The following C18orf54 variants were observed in gnomAD, a reference collection of about 807,000 sequenced individuals.
The protein encoded by C18orf54 is lung adenoma susceptibility protein 2.
Under a neutral mutation model 49.3 loss-of-function variants are expected in C18orf54, and 49 were observed. The observed-to-expected ratio is 0.99, with a 90% CI of 0.79 to 1.26. C18orf54 has a LOEUF of 1.26. Among genes scored for constraint, C18orf54 ranks in the 50% most tolerant of loss-of-function variants. The pLI is 0.00. For synonymous variants in C18orf54, 211 were observed against 216.6 expected (o/e 0.97, Z 0.23); for missense variants, 687 against 620.6 (o/e 1.11, Z -1.14).
chr18:54,373,927 ACAT>A (rs1370734348), intron 7 of C18orf54, among the ~76,000 whole-genome samples: 1 of 151,858 alleles, frequency 6.6e-6, no homozygotes, highest in Non-Finnish European at 1.5e-5. Flanking sequence ...CTCATTCTAA[ACAT>A]CATTGAGATA....
At position 54,365,864 on chromosome 18, in the gene C18orf54, GAAT is replaced by G. The variant is rs773878976; in HGVS notation, c.1326+48_1326+50del. 4.9e-6 allele frequency: 6 copies of G among 1,221,484 alleles called. No individual in the cohort carries two copies. The African/African-American group carries it at 9.2e-5, about 19-fold the overall frequency. The allele number at this position is 1,221,484 out of a possible 1,614,324, so 75.7% of individuals were successfully genotyped here. A position where few individuals can be genotyped will look rare whatever the true frequency, so the allele number is the denominator to read the frequency against. Reference sequence around the variant, plus strand: ...TTTTAAAACTTATTTAAAGATATATGAATAATATGTAGATACTAATTTTTAAGT... The same window carrying G: ...TTTTAAAACTTATTTAAAGATATATGAATATGTAGATACTAATTTTTAAGT... On this transcript the variant is annotated intron_variant, in intron 6 of 8. Transcript: ENST00000620105.
rs2089618054 is a variant in C18orf54 at position 54,378,777 on chromosome 18, A to G, written c.*531A>G. 1 of 152,212 alleles carries G rather than the reference A, an allele frequency of 6.6e-6. No individual in the cohort carries two copies. Among genetic ancestry groups the G allele is most frequent in the Non-Finnish European group, 1.5e-5 (1 of 68,038 alleles). 9.4% of individuals were successfully genotyped at this position (152,212 alleles called of 1,614,324 possible). A position where few individuals can be genotyped will look rare whatever the true frequency, so the allele number is the denominator to read the frequency against. On this transcript the variant is annotated 3_prime_UTR_variant, in exon 9 of 9. Coordinates refer to ENST00000620105, the MANE Select transcript of C18orf54 (RefSeq NM_001288980.2). ...AATTTTCATAAATTTAATATTTAAG[A>G]TACATTGTATTTGAAAATTGCATTA...
At chr18:54,377,833 C>T (rs2089601647) in intron 8 of C18orf54, among the ~76,000 whole-genome samples, 1 of 152,044 alleles carries the variant, frequency 6.6e-6, no homozygotes, top group Non-Finnish European at 1.5e-5. Flanking sequence ...TTTCACAGAG[C>T]TGTAGTGAAA....
intron 2 of C18orf54, 75 bp from the exon 3 acceptor site, chr18:54,360,452 T>TTTAC: frequency 1.1e-6 from 1 of 879,658 alleles, no homozygotes; most frequent in Non-Finnish European, 1.7e-6. Context: ...TTACAAAAGG[T>TTTAC]TTACATATTT....
Position 54,380,700 on chromosome 18 carries a change from T to A in C18orf54, c.*2454T>A, listed in dbSNP as rs2089653645. The stretch of plus-strand genomic sequence containing the variant: ...ATAATTGTAGGTTTTTTGTATTGTT[T>A]TAGTATTTAATGGTGTATAATGTGT... On this transcript the variant is annotated 3_prime_UTR_variant, in exon 9 of 9. Coordinates refer to ENST00000620105, the MANE Select transcript of C18orf54 (RefSeq NM_001288980.2). The A allele has an allele frequency of 1.3e-5, 2 of 152,134 alleles. No homozygotes were observed. The highest frequency in any genetic ancestry group is 4.1e-4 in the South Asian group (2 of 4,836). 9.4% of individuals were successfully genotyped at this position (152,134 alleles called of 1,614,324 possible).
Position 54,378,925 on chromosome 18 carries a change from C to A in C18orf54, c.*679C>A, listed in dbSNP as rs2089620768. Reference sequence around the variant, plus strand: ...TGGTAGTGCTTGACAGTTTCCAAACCTTTTTTTGGAGAGATATTTAAGAAT... The same window carrying A: ...TGGTAGTGCTTGACAGTTTCCAAACATTTTTTTGGAGAGATATTTAAGAAT... On this transcript the variant is annotated 3_prime_UTR_variant, in exon 9 of 9. Transcript: ENST00000620105. 1 of 151,878 alleles carries A rather than the reference C, an allele frequency of 6.6e-6. No homozygotes were observed. Among genetic ancestry groups the A allele is most frequent in the Non-Finnish European group, 1.5e-5 (1 of 67,902 alleles). The allele number at this position is 151,878 out of a possible 1,614,324, so 9.4% of individuals were successfully genotyped here.
In C18orf54 at chr18:54,360,689, C is replaced by G. The variant is rs766385586; in HGVS notation, c.117C>G (p.His39Gln). ...SNSSNSDGSF[H>Q]YKDKLYRSAS... is the part of the protein sequence containing the mutation. ...CCTCTAATTCTGATGGCTCGTTTCA[C>G]TATAAAGATAAGCTGTACAGATCTG... The change falls in exon 3 of 9, where the codon CAC becomes CAG. Residue 39 changes from histidine (H) to glutamine (Q), a missense_variant. Coordinates refer to ENST00000620105, the MANE Select transcript of C18orf54 (RefSeq NM_001288980.2). 4.0e-5 allele frequency: 65 copies of G among 1,613,998 alleles called. No homozygotes were observed. Among genetic ancestry groups the G allele is most frequent in the Non-Finnish European group, 5.3e-5 (63 of 1,179,980 alleles).
rs2089504723 is a variant in C18orf54 at position 54,372,521 on chromosome 18, T to C, written c.1382T>C (p.Met461Thr). ...HHGPVEALKQMLFNLQAVQER... is the reference protein window; with the variant it reads ...HHGPVEALKQTLFNLQAVQER... ...GGTCCTGTTGAAGCCCTGAAACAAA[T>C]GTTATTTAACCTTCAAGCAGTACAA... The change falls in exon 7 of 9, where the codon ATG becomes ACG. Residue 461 changes from methionine (M) to threonine (T), a missense_variant. Physicochemically the swap from Met to Thr is moderately conservative, Grantham distance 81 (BLOSUM62 -1). Transcript: ENST00000620105. The C allele has an allele frequency of 6.2e-7, 1 of 1,611,094 alleles. No homozygotes were observed. Among genetic ancestry groups the C allele is most frequent in the Admixed American group, 1.7e-5 (1 of 59,930 alleles).
Position 54,357,948 on chromosome 18 carries a change from C to G in C18orf54, c.-271C>G, listed in dbSNP as rs999971019. The G allele has an allele frequency of 1.3e-5, 2 of 152,430 alleles. No homozygotes were observed. The highest frequency in any genetic ancestry group is 2.4e-5 in the African/African-American group (1 of 41,458). The allele number at this position is 152,430 out of a possible 1,614,324, so 9.4% of individuals were successfully genotyped here. A position where few individuals can be genotyped will look rare whatever the true frequency, so the allele number is the denominator to read the frequency against. On this transcript the variant is annotated 5_prime_UTR_variant, in exon 1 of 9. Transcript: ENST00000620105. ...TGAAAGCGAGCGCGGGTGTCGAGCT[C>G]TGCTGTGACTGCGGAGGAAGCTGCG...
intron 5 of C18orf54, among the ~76,000 whole-genome samples, chr18:54,365,322 C>T (rs1225666050): frequency 6.6e-6 from 1 of 151,904 alleles, no homozygotes; most frequent in Admixed American, 6.6e-5. Context: ...AACTGCCATT[C>T]TAGTAAAAAC....
At chr18:54,372,624 G>A (rs769374395) in intron 7 of C18orf54, 27 bp downstream of exon 7, 57 of 1,531,644 alleles carry the variant, frequency 3.7e-5, no homozygotes, top group Non-Finnish European at 4.7e-5. Flanking sequence ...TTTATGAATT[G>A]AGATTTGTGA....
Position 54,362,847 on chromosome 18 carries a change from G to A in C18orf54, c.1149G>A (p.Met383Ile). ...EQCTEELPKSMKKDDSPCSLD... is the reference protein window; with the variant it reads ...EQCTEELPKSIKKDDSPCSLD... ...GTACTGAAGAATTACCAAAGTCCAT[G>A]AAAAAGGATGACAGTCCTTGCTCAT... Residue 383 changes from methionine (M) to isoleucine (I), a missense_variant, in exon 5 of 9, where the codon ATG (methionine) becomes ATA (isoleucine). Transcript: ENST00000620105. 6.2e-7 allele frequency: 1 copy of A among 1,612,442 alleles called. No individual in the cohort carries two copies. Among genetic ancestry groups the A allele is most frequent in the Middle Eastern group, 1.7e-4 (1 of 6,054 alleles).
Position 54,362,173 on chromosome 18 carries a change from C to G in C18orf54, c.814C>G (p.Pro272Ala). 1 of 1,536,138 alleles carries G rather than the reference C, an allele frequency of 6.5e-7. No individual in the cohort carries two copies. The highest frequency in any genetic ancestry group is 8.7e-7 in the Non-Finnish European group (1 of 1,146,882). Residue 272 changes from proline to alanine, a missense_variant, in exon 4 of 9, where the codon CCT becomes GCT. Pro to Ala is a conservative substitution (Grantham distance 27). Transcript: ENST00000620105. ...CTGGCTGCACAATCAAGACTTGCTA[C>G]CTGATGCAAATAGTCAAAGGGTTTA... ...PVWLHNQDLL[P>A]DANSQRVYQI...
At chr18:54,368,861 A>G (rs932919901) in intron 6 of C18orf54, among the ~76,000 whole-genome samples, 3 of 152,200 alleles carry the variant, frequency 2.0e-5, no homozygotes, top group Non-Finnish European at 4.4e-5. Flanking sequence ...ATTAGTACAG[A>G]TTCACTAATT....
Position 54,361,709 on chromosome 18 carries a change from A to G in C18orf54, c.350A>G (p.Asp117Gly). 6.2e-7 allele frequency: 1 copy of G among 1,613,910 alleles called. No homozygotes were observed. The highest frequency in any genetic ancestry group is 1.1e-5 in the South Asian group (1 of 91,060). ...TCCTGTAGAAGACACACCGTTAATG[A>G]CATAGACTCCATGAGCCTAACAACT... ...FISCRRHTVN[D>G]IDSMSLTTDD... The change falls in exon 4 of 9, where the codon GAC becomes GGC. Residue 117 changes from aspartate to glycine, a missense_variant. Physicochemically the swap from Asp to Gly is moderately conservative, Grantham distance 94. Transcript: ENST00000620105.
chr18:54,373,662 G>A lies in C18orf54; in HGVS notation c.1459-552G>A, dbSNP rs568477987. Among the ~76,000 whole-genome samples the A allele has an allele frequency of 2.5e-3, 379 of 151,884 alleles. 2 individuals are homozygous for A. The highest frequency in any genetic ancestry group is 8.3e-3 in the African/African-American group (343 of 41,538). ...CTTTTCTGTATAGTGAGGTTGTTGA[G>A]AAGACAAATTGAGACAAACTATATA... On this transcript the variant is annotated intron_variant, in intron 7 of 8. Coordinates refer to ENST00000620105, the MANE Select transcript of C18orf54 (RefSeq NM_001288980.2).
chr18:54,360,929 A>C, intron 3 of C18orf54, 74 bp downstream of exon 3: 5 of 1,381,148 alleles, frequency 3.6e-6, no homozygotes, highest in Non-Finnish European at 4.9e-6. Context: ...TAGTATTGTA[A>C]AGTTTGACAT....
chr18:54,375,219 T>C (rs904192415), intron 8 of C18orf54, among the ~76,000 whole-genome samples: 1 of 151,934 alleles, frequency 6.6e-6, no homozygotes, highest in Non-Finnish European at 1.5e-5. Context: ...ATTTCAGTAT[T>C]CTAAGTGCTA....
chr18:54,365,492 C>T (rs1021173464), intron 5 of C18orf54, among the ~76,000 whole-genome samples: 14 of 151,818 alleles, frequency 9.2e-5, no homozygotes, highest in Admixed American at 3.9e-4. Context: ...ATAGTGTTTT[C>T]TTAAAGCTTG....
Sources: gnomAD v4.1 joint callset for allele counts (sites outside exome capture counted in the v4.1 genomes callset) on GRCh38, gnomAD v4.1.1 for gene constraint, MANE v1.5 for transcripts, NCBI Gene and HGNC (gene_info 2026-07-23, HGNC 2026-07-21) for gene names.